The following DOT1L variants were observed in gnomAD, a reference collection of about 807,000 sequenced individuals.
DOT1L encodes the protein histone-lysine N-methyltransferase, H3 lysine-79 specific.
Under a neutral mutation model 153.3 loss-of-function variants are expected in DOT1L, and 33 were observed. That is an observed-to-expected ratio of 0.22 (90% confidence interval 0.16 to 0.29). The LOEUF is 0.29. Ranked by LOEUF, DOT1L falls within the 10% of genes least tolerant of loss-of-function variation. The pLI is 1.00. For missense variants in DOT1L, 1,847 were observed against 2,119.9 expected, an observed-to-expected ratio of 0.87 and a Z score of 2.53; for synonymous variants, 1,135 against 965.1, an observed-to-expected ratio of 1.18 and a Z score of -3.26.
rs1405894153 is a variant in DOT1L, at chr19:2,183,775, C to T, written c.126-2080C>T. 4.6e-5 allele frequency among the ~76,000 whole-genome samples: 7 copies of T among 151,910 alleles called. 1 individual carries two copies. The highest frequency in any genetic ancestry group is 2.0e-4 in the Admixed American group (3 of 15,242). On this transcript the variant is annotated intron_variant, in intron 2 of 27. Transcript: ENST00000398665. ...CCGAGTAGCTGGGATTAGAGGCGCC[C>T]GTCACCATGCCCAGCAAATTTTTGT...
At chr19:2,184,007 G>A (rs1568334783) in intron 2 of DOT1L, among the ~76,000 whole-genome samples, 1 of 152,068 alleles carries the variant, frequency 6.6e-6, no homozygotes, top group East Asian at 1.9e-4. Flanking sequence ...TATCGGCCAT[G>A]CCCCTGCTGA....
Position 2,217,732 on chromosome 19 carries a change from T to C in DOT1L, c.2545-40T>C. 6.4e-7 allele frequency: 1 copy of C among 1,573,526 alleles called. No homozygotes were observed. The highest frequency in any genetic ancestry group is 1.2e-5 in the South Asian group (1 of 85,970). On this transcript the variant is annotated intron_variant, in intron 21 of 27. Transcript: ENST00000398665. This position sits in a 1 kb window ranked among gnomAD's most constrained non-coding sequence, Gnocchi z 7.3. ...CTGTGGTCCCTGTGTCCTGGAGGGG[T>C]TTGTTGACCCACGACTGGGGGTCGG...
At chr19:2,170,469 A>G (rs2021553693) in intron 1 of DOT1L, among the ~76,000 whole-genome samples, 1 of 152,180 alleles carries the variant, frequency 6.6e-6, no homozygotes. Flanking sequence ...GTCAACACAG[A>G]GGAGTTGCGG....
chr19:2,231,671 C>G lies in DOT1L; in HGVS notation c.*1879C>G, dbSNP rs2024603902. 1 of 214,808 alleles carries G rather than the reference C, an allele frequency of 4.7e-6. No homozygotes were observed. The highest frequency in any genetic ancestry group is 2.3e-5 in the African/African-American group (1 of 44,162). The allele number at this position is 214,808 out of a possible 1,614,324, so 13.3% of individuals were successfully genotyped here. A position where few individuals can be genotyped will look rare whatever the true frequency, so the allele number is the denominator to read the frequency against. ...CAAGCCCCGAGCCTGGCCTTCAGGA[C>G]AGGCAGCCTGCTCTGTGTCGCCACG... On this transcript the variant is annotated 3_prime_UTR_variant, in exon 28 of 28. Transcript: ENST00000398665.
chr19:2,199,549 T>C (rs2023158265), intron 7 of DOT1L, among the ~76,000 whole-genome samples: 1 of 152,172 alleles, frequency 6.6e-6, no homozygotes. Context: ...GCCCCTGATT[T>C]TGAGCTTACA....
intron 27 of DOT1L, chr19:2,228,504 A>G: frequency 8.5e-7 from 1 of 1,177,382 alleles, no homozygotes; most frequent in Non-Finnish European, 1.1e-6. Flanking sequence ...AGAGGGAGAG[A>G]GCCAGGGAGA....
intron 3 of DOT1L, among the ~76,000 whole-genome samples, chr19:2,186,782 C>T (rs916541472): frequency 5.9e-5 from 9 of 152,258 alleles, no homozygotes; most frequent in South Asian, 2.1e-4. Context: ...TCCTGCGTGC[C>T]GACCTGCTGC....
rs930481759 is a variant in DOT1L, at chr19:2,222,434, C to T, written c.3265C>T (p.Arg1089Trp). ...GCAGGACAGTCGCAGGCGCGGCCGGCGGAAGCGAGCATCTGCGGGGACGCC... is the reference window on the plus strand; with the variant it reads ...GCAGGACAGTCGCAGGCGCGGCCGGTGGAAGCGAGCATCTGCGGGGACGCC... ...HGQDSRRRGR[R>W]KRASAGTPSL... is the part of the protein sequence containing the mutation. Residue 1089 changes from arginine (R) to tryptophan (W), a missense_variant, in exon 24 of 28, where the codon CGG (arginine) becomes TGG (tryptophan). Around this residue, in one of 8 missense-constraint regions of DOT1L, gnomAD observed 934 missense variants for 825.3 expected, o/e 1.13. Coordinates refer to ENST00000398665, the MANE Select transcript of DOT1L (RefSeq NM_032482.3). This position sits in a 1 kb window ranked among gnomAD's most constrained non-coding sequence, Gnocchi z 6.5. The T allele has an allele frequency of 1.8e-5, 29 of 1,609,086 alleles. No individual in the cohort carries two copies. Among genetic ancestry groups the T allele is most frequent in the East Asian group, 2.2e-5 (1 of 44,806 alleles).
chr19:2,199,395 C>A (rs954169192), intron 7 of DOT1L, among the ~76,000 whole-genome samples: 4 of 152,188 alleles, frequency 2.6e-5, no homozygotes, highest in Middle Eastern at 3.2e-3. Context: ...TCAGCCTGGC[C>A]GAGTGTCGCT....
In DOT1L at chr19:2,226,875, G is replaced by GGCGGCGCGGCGTCCTCCGCCC. The variant is rs1364038993; in HGVS notation, c.4355_4375dup (p.Ala1458_Gln1459insArgGlyAlaAlaSerSerAla). ...CCTGGCCCCGGCGGCGTCCTCCGCA[G>GGCGGCGCGGCGTCCTCCGCCC]GCGGCGCGGCGTCCTCCGCCCAGAC... is the stretch of plus-strand genomic sequence containing the variant. On this transcript the variant is annotated inframe_insertion, in exon 27 of 28. Coordinates refer to ENST00000398665, the MANE Select transcript of DOT1L (RefSeq NM_032482.3). 4.5e-6 allele frequency: 7 copies of GGCGGCGCGGCGTCCTCCGCCC among 1,572,130 alleles called. No individual in the cohort carries two copies. Among genetic ancestry groups the GGCGGCGCGGCGTCCTCCGCCC allele is most frequent in the Non-Finnish European group, 4.3e-6 (5 of 1,167,364 alleles).
intron 23 of DOT1L, chr19:2,221,739 C>T (rs1319934307): frequency 3.9e-6 from 2 of 517,702 alleles, no homozygotes; most frequent in African/African-American, 1.9e-5. Context: ...CCGGGACCTG[C>T]AGGGCACAGG....
chr19:2,223,240 G>A (rs199841803), intron 24 of DOT1L, 41 bp from the exon 25 acceptor site: 1,151 of 1,605,488 alleles, frequency 7.2e-4, no homozygotes, highest in Non-Finnish European at 8.7e-4. Context: ...TGGGGTCCCG[G>A]GTCTGTGGTA....
chr19:2,187,858 C>G (rs1053489140), intron 3 of DOT1L, among the ~76,000 whole-genome samples: 323 of 148,988 alleles, frequency 2.2e-3, no homozygotes, highest in African/African-American at 7.5e-3. Flanking sequence ...GGAGGCGGAG[C>G]TTGCAGTGAG....
At chr19:2,198,863 C>T (rs147574489) in intron 7 of DOT1L, among the ~76,000 whole-genome samples, 35 of 152,308 alleles carry the variant, frequency 2.3e-4, no homozygotes, top group South Asian at 8.3e-4. Flanking sequence ...AAGGTGCATC[C>T]GCGATGTGGC....
intron 9 of DOT1L, among the ~76,000 whole-genome samples, chr19:2,205,856 G>C (rs1172810779): frequency 6.6e-6 from 1 of 151,890 alleles, no homozygotes; most frequent in Non-Finnish European, 1.5e-5. Context: ...ATCATGCCCA[G>C]CTAATTTTTT....
Position 2,211,088 on chromosome 19 carries a change from C to CG in DOT1L, c.1352-10dup. ...CCGCCCTGTGCTGACGCCTGCCCTC[C>CG]GCTCTCCCAGATGCCTACAGATCCC... On this transcript the variant is annotated splice_polypyrimidine_tract_variant and intron_variant, in intron 14 of 27. Coordinates refer to ENST00000398665, the MANE Select transcript of DOT1L (RefSeq NM_032482.3). The CG allele has an allele frequency of 6.2e-7, 1 of 1,610,162 alleles. No homozygotes were observed. The highest frequency in any genetic ancestry group is 8.5e-7 in the Non-Finnish European group (1 of 1,177,694).
At chr19:2,189,698 C>T (rs762475482) in intron 3 of DOT1L, 34 bp from the exon 4 acceptor site, 6 of 1,606,244 alleles carry the variant, frequency 3.7e-6, no homozygotes, top group Admixed American at 1.7e-5. Flanking sequence ...TGGCTCCTGC[C>T]CGCATGACCA....
chr19:2,206,739 C>A lies in DOT1L; in HGVS notation c.798C>A (p.Ile266=), dbSNP rs201441854. Reference sequence around the variant, plus strand: ...GTGTCTGTGTTTCAGGTGGCAGAATCGTGTCCTCGAAACCCTTTGCACCTC... The same window carrying A: ...GTGTCTGTGTTTCAGGTGGCAGAATAGTGTCCTCGAAACCCTTTGCACCTC... ...RFANMKEGGR[I]VSSKPFAPLN... Residue 266 remains isoleucine, a synonymous_variant, in exon 10 of 28, where the codon ATC becomes ATA. Transcript: ENST00000398665. 1.9e-6 allele frequency: 3 copies of A among 1,613,868 alleles called. No individual in the cohort carries two copies. Among genetic ancestry groups the A allele is most frequent in the South Asian group, 2.2e-5 (2 of 91,058 alleles).
chr19:2,170,683 A>G (rs2021568123), intron 1 of DOT1L, among the ~76,000 whole-genome samples: 1 of 152,150 alleles, frequency 6.6e-6, no homozygotes, highest in Admixed American at 6.5e-5. Flanking sequence ...TCGGCTGTAA[A>G]TCCAGGTTCC....
Sources: gnomAD v4.1 joint callset for allele counts (sites outside exome capture counted in the v4.1 genomes callset) on GRCh38, gnomAD v4.1.1 for gene constraint, gnomAD v4.1.1 regional missense constraint, Gnocchi (gnomAD v3.1) non-coding constraint, MANE v1.5 for transcripts, NCBI Gene and HGNC (gene_info 2026-07-23, HGNC 2026-07-21) for gene names.